The following CDH12 variants were observed in gnomAD, a reference collection of about 807,000 sequenced individuals.
CDH12 encodes the protein cadherin 12, also known as cadherin-12.
A neutral mutation model predicts 74.1 loss-of-function variants in CDH12; 41 were observed. The ratio of observed to expected loss-of-function variants is 0.55; its 90% CI spans 0.43 to 0.72. The LOEUF (loss-of-function observed/expected upper bound fraction) is 0.72, where lower values mean the gene tolerates loss of function less well. Among genes scored for constraint, CDH12 ranks in the 30% least tolerant of loss-of-function variants. CDH12 has a pLI of 0.00. For missense variants in CDH12, 945 were observed against 977.2 expected (o/e 0.97, Z 0.44); for synonymous variants, 399 against 355.0 (o/e 1.12, Z -1.39).
chr5:22,528,199 G>A (rs1737375672), intron 1 of CDH12, among the ~76,000 whole-genome samples: 1 of 152,088 alleles, frequency 6.6e-6, no homozygotes, highest in African/African-American at 2.4e-5. Context: ...CTGCTTCGGG[G>A]GAAGCTATTA....
chr5:22,206,679 C>CA (rs71609754), intron 4 of CDH12, among the ~76,000 whole-genome samples: 5,230 of 55,130 alleles, frequency 0.095, 661 homozygotes, highest in South Asian at 0.14. Flanking sequence ...GATTCCACTG[C>CA]AAAAAAAAAA....
chr5:22,071,692 T>C (rs1019833181), intron 5 of CDH12, among the ~76,000 whole-genome samples: 1 of 152,104 alleles, frequency 6.6e-6, no homozygotes. Context: ...TGTATTCCAA[T>C]TACTCTCTTT....
In CDH12 at chr5:22,612,820, A is replaced by T. The variant is rs1262065080; in HGVS notation, c.-522-107456T>A. Among the ~76,000 whole-genome samples the T allele has an allele frequency of 2.6e-5, 4 of 152,088 alleles. No homozygotes were observed. The East Asian group carries it at 7.7e-4, about 29-fold the overall frequency. On this transcript the variant is annotated intron_variant, in intron 1 of 14. Coordinates refer to ENST00000382254, the MANE Select transcript of CDH12 (RefSeq NM_004061.5). ...AACATTCATAGCCTTTTCTGGACTAATTCAGGGCATAAAATTAACTCCTCA... is the reference window on the plus strand; with the variant it reads ...AACATTCATAGCCTTTTCTGGACTATTTCAGGGCATAAAATTAACTCCTCA...
At chr5:21,875,553 A>G (rs1751882725) in intron 6 of CDH12, among the ~76,000 whole-genome samples, 1 of 248 alleles carries the variant, frequency 4.0e-3, no homozygotes, top group Non-Finnish European at 0.014. Context: ...TGAATATACC[A>G]TTGCTCTGTC....
intron 4 of CDH12, among the ~76,000 whole-genome samples, chr5:22,082,764 T>G (rs1275490573): frequency 6.6e-6 from 1 of 152,168 alleles, no homozygotes; most frequent in Non-Finnish European, 1.5e-5. Context: ...TGAAGTTAAC[T>G]GGAGCCACAG....
intron 1 of CDH12, among the ~76,000 whole-genome samples, chr5:22,565,510 T>G (rs2126757059): frequency 6.6e-6 from 1 of 152,346 alleles, no homozygotes; most frequent in Non-Finnish European, 1.5e-5. Context: ...TCAGGAATAC[T>G]TCAGGAATTA....
chr5:21,930,944 T>C (rs149724065), intron 6 of CDH12, among the ~76,000 whole-genome samples: 161 of 152,264 alleles, frequency 1.1e-3, no homozygotes, highest in African/African-American at 3.6e-3. Context: ...TCCCATAACC[T>C]AAAAGGGATT....
intron 5 of CDH12, among the ~76,000 whole-genome samples, chr5:22,036,746 G>A (rs1199045643): frequency 6.6e-6 from 1 of 151,966 alleles, no homozygotes; most frequent in Non-Finnish European, 1.5e-5. Context: ...AGGTTTAATT[G>A]GTGTTTTAAG....
intron 6 of CDH12, among the ~76,000 whole-genome samples, chr5:21,860,930 C>T (rs912751997): frequency 2.6e-5 from 4 of 151,900 alleles, no homozygotes; most frequent in African/African-American, 9.7e-5. Flanking sequence ...CTTAATAAAC[C>T]CCCCTTCATA....
intron 3 of CDH12, among the ~76,000 whole-genome samples, chr5:22,310,417 C>T (rs188459232): frequency 6.7e-6 from 1 of 150,136 alleles, no homozygotes; most frequent in Non-Finnish European, 1.5e-5. Flanking sequence ...GAGTGGAGAT[C>T]GCACCACTGC....
intron 5 of CDH12, among the ~76,000 whole-genome samples, chr5:21,993,325 C>T (rs1358799568): frequency 3.3e-5 from 5 of 152,140 alleles, no homozygotes; most frequent in Non-Finnish European, 4.4e-5. Context: ...GCATAATCTC[C>T]AGGACTGTCA....
At chr5:22,362,295 G>T (rs1740839831) in intron 3 of CDH12, among the ~76,000 whole-genome samples, 1 of 152,174 alleles carries the variant, frequency 6.6e-6, no homozygotes, top group Admixed American at 6.5e-5. Flanking sequence ...CTTCTCAAAA[G>T]AAGACATCTA....
chr5:21,989,090 A>C (rs116611238), intron 5 of CDH12, among the ~76,000 whole-genome samples: 1,978 of 152,252 alleles, frequency 0.013, 39 homozygotes, highest in African/African-American at 0.044. Flanking sequence ...AATTTTGATG[A>C]AGAAAAAAGG....
chr5:22,462,258 G>C (rs773059616), intron 2 of CDH12, among the ~76,000 whole-genome samples: 8 of 152,156 alleles, frequency 5.3e-5, no homozygotes, highest in Non-Finnish European at 1.2e-4. Context: ...GAAACAAGGA[G>C]GGAATTAAAG....
At chr5:22,609,187 A>G (rs1231013361) in intron 1 of CDH12, among the ~76,000 whole-genome samples, 2 of 152,138 alleles carry the variant, frequency 1.3e-5, no homozygotes, top group African/African-American at 4.8e-5. Flanking sequence ...TTAGAGTCTC[A>G]TCTCAGTAAG....
In CDH12 at chr5:21,833,266, A is replaced by ATATATATTATATGTTATATAACATAT. The variant is rs1749275177; in HGVS notation, c.814+8869_814+8894dup. Among the ~76,000 whole-genome samples the ATATATATTATATGTTATATAACATAT allele has an allele frequency of 6.3e-5, 3 of 47,462 alleles. 1 individual carries two copies. The highest frequency in any genetic ancestry group is 9.0e-5 in the Non-Finnish European group (3 of 33,260). The allele number at this position is 47,462 out of a possible 152,430, so 31.1% of individuals were successfully genotyped here. A position where few individuals can be genotyped will look rare whatever the true frequency, so the allele number is the denominator to read the frequency against. ...TATATTATATATTATATAACATATAATATATATTATATGTTATATAACATA... is the reference window on the plus strand; with the variant it reads ...TATATTATATATTATATAACATATAATATATATTATATGTTATATAACATATTATATATTATATGTTATATAACATA... On this transcript the variant is annotated intron_variant, in intron 8 of 14. Coordinates refer to ENST00000382254, the MANE Select transcript of CDH12 (RefSeq NM_004061.5).
chr5:22,538,348 A>C (rs1253634136), intron 1 of CDH12, among the ~76,000 whole-genome samples: 1 of 152,230 alleles, frequency 6.6e-6, no homozygotes, highest in Non-Finnish European at 1.5e-5. Context: ...ACCTTTAAGC[A>C]AGATGGATTA....
intron 4 of CDH12, among the ~76,000 whole-genome samples, chr5:22,211,223 C>G (rs1025358910): frequency 1.3e-5 from 2 of 152,114 alleles, no homozygotes; most frequent in African/African-American, 4.8e-5. Context: ...AGTGCTCACT[C>G]TGAAAAGCAC....
intron 2 of CDH12, among the ~76,000 whole-genome samples, chr5:22,474,662 G>C (rs1209460552): frequency 1.3e-5 from 2 of 152,098 alleles, no homozygotes; most frequent in African/African-American, 4.8e-5. Context: ...GATAGCCTTA[G>C]CAGAGGAAAA....
Sources: gnomAD v4.1 joint callset for allele counts (sites outside exome capture counted in the v4.1 genomes callset) on GRCh38, gnomAD v4.1.1 for gene constraint, MANE v1.5 for transcripts, NCBI Gene and HGNC (gene_info 2026-07-23, HGNC 2026-07-21) for gene names.